GLIS1: variants seen among roughly 807,000 people sequenced by gnomAD.
GLIS1 encodes the protein GLIS family zinc finger 1.
A neutral mutation model predicts 63.8 loss-of-function variants in GLIS1; 24 were observed. That is an observed-to-expected ratio of 0.38 (90% CI 0.27 to 0.53). GLIS1 has a LOEUF of 0.53. Ranked by LOEUF, GLIS1 falls within the 20% of genes least tolerant of loss-of-function variation. GLIS1 has a pLI of 0.85. For missense variants in GLIS1, 1,036 were observed against 1,074.1 expected (o/e 0.96, Z 0.50); for synonymous variants, 450 against 482.5 (o/e 0.93, Z 0.88).
chr1:53,685,163 G>A (rs1646320945), intron 2 of GLIS1, among the ~76,000 whole-genome samples: 1 of 152,158 alleles, frequency 6.6e-6, no homozygotes, highest in African/African-American at 2.4e-5. Context: ...AGCAAGACGG[G>A]TGTCCTGGCT....
At chr1:53,687,174 C>A (rs1373071198) in intron 2 of GLIS1, among the ~76,000 whole-genome samples, 1 of 152,182 alleles carries the variant, frequency 6.6e-6, no homozygotes, top group African/African-American at 2.4e-5. Flanking sequence ...ACTGTGGGAG[C>A]AGAACCAGAG....
In GLIS1 at chr1:53,560,149, A is replaced by T. The variant is rs1644871267; in HGVS notation, c.1321-30197T>A. Among the ~76,000 whole-genome samples the T allele has an allele frequency of 6.6e-6, 1 of 152,220 alleles. No homozygotes were observed. The highest frequency in any genetic ancestry group is 6.5e-5 in the Admixed American group (1 of 15,288). ...AACCAGGACTCTGCTGTGGGCAGGG[A>T]CTGCCTCCTTGATGAAGATACAGAA... On this transcript the variant is annotated intron_variant, in intron 4 of 10. Transcript: ENST00000628545. This position sits in a 1 kb window ranked among gnomAD's most constrained non-coding sequence, Gnocchi z 4.4.
Position 53,682,301 on chromosome 1 carries a change from T to C in GLIS1, c.259+55505A>G, listed in dbSNP as rs190744620. On this transcript the variant is annotated intron_variant, in intron 2 of 10. Transcript: ENST00000628545. Reference sequence around the variant, plus strand: ...GACACAGCTGACACCTGGTGGCAGGTTGTGTGTTAGGCATGAAGGAGTGGG... The same window carrying C: ...GACACAGCTGACACCTGGTGGCAGGCTGTGTGTTAGGCATGAAGGAGTGGG... Among the ~76,000 whole-genome samples the C allele has an allele frequency of 7.9e-4, 121 of 152,286 alleles. No homozygotes were observed. The Middle Eastern group carries it at 0.014, about 17-fold the overall frequency.
intron 6 of GLIS1, among the ~76,000 whole-genome samples, chr1:53,523,286 G>T (rs972625746): frequency 6.6e-6 from 1 of 152,064 alleles, no homozygotes; most frequent in Non-Finnish European, 1.5e-5. Context: ...AGCTTCCAAT[G>T]CTCCCCACTG....
intron 4 of GLIS1, among the ~76,000 whole-genome samples, chr1:53,548,768 A>G (rs1380293217): frequency 6.6e-6 from 1 of 152,230 alleles, no homozygotes; most frequent in Non-Finnish European, 1.5e-5. Flanking sequence ...ATTTTTTTAT[A>G]GCTCTGTTGA....
chr1:53,642,408 G>C (rs1645796942), intron 2 of GLIS1, among the ~76,000 whole-genome samples: 2 of 152,162 alleles, frequency 1.3e-5, no homozygotes, highest in Admixed American at 6.5e-5. Flanking sequence ...AGAGTTTCAG[G>C]TTGCCACGCA....
chr1:53,687,961 C>T (rs1461749713), intron 2 of GLIS1, among the ~76,000 whole-genome samples: 2 of 152,210 alleles, frequency 1.3e-5, no homozygotes, highest in Non-Finnish European at 2.9e-5. Flanking sequence ...CCCGGCTGTG[C>T]CCCTAGCCCC....
intron 2 of GLIS1, among the ~76,000 whole-genome samples, chr1:53,727,196 C>T (rs1181234477): frequency 6.6e-6 from 1 of 152,206 alleles, no homozygotes; most frequent in Non-Finnish European, 1.5e-5. Context: ...CCTCTCTGAA[C>T]CTTAGTCTTC....
intron 2 of GLIS1, among the ~76,000 whole-genome samples, chr1:53,729,950 A>AATT (rs1240757819): frequency 6.6e-6 from 1 of 152,160 alleles, no homozygotes; most frequent in African/African-American, 2.4e-5. Context: ...TTAAACACAC[A>AATT]ATTACAGCCG....
Position 53,539,280 on chromosome 1 carries a change from T to A in GLIS1, c.1321-9328A>T, listed in dbSNP as rs1184438951. 4.7e-5 allele frequency among the ~76,000 whole-genome samples: 7 copies of A among 147,982 alleles called. No individual in the cohort carries two copies. The highest frequency in any genetic ancestry group is 1.8e-4 in the African/African-American group (7 of 39,600). The stretch of plus-strand genomic sequence containing the variant: ...CACACACCAAGACCCAGAAACTCCC[T>A]CACACACACACACACACACTACACC... On this transcript the variant is annotated intron_variant, in intron 4 of 10. Transcript: ENST00000628545. The surrounding 1 kb of genome is among the most constrained non-coding windows in gnomAD (Gnocchi z 5.0).
chr1:53,514,545 T>C (rs958117466), intron 8 of GLIS1, 80 bp downstream of exon 8: 21 of 1,401,996 alleles, frequency 1.5e-5, no homozygotes, highest in Admixed American at 1.3e-4. Context: ...AGATAGATAG[T>C]GCGGGACACC....
chr1:53,529,938 G>A lies in GLIS1; in HGVS notation c.1335C>T (p.Ser445=). The A allele has an allele frequency of 6.2e-7, 1 of 1,613,564 alleles. No homozygotes were observed. The highest frequency in any genetic ancestry group is 1.1e-5 in the South Asian group (1 of 91,068). ...KPNKCMFEGC[S]KAFSRLENLK... Reference sequence around the variant, plus strand: ...GGTTCTCCAGCCGTGAGAAGGCCTTGCTGCAGCCTTCAAACTGCAGGAGAG... The same window carrying A: ...GGTTCTCCAGCCGTGAGAAGGCCTTACTGCAGCCTTCAAACTGCAGGAGAG... The change falls in exon 5 of 11, where the codon AGC becomes AGT. Residue 445 remains serine, a synonymous_variant. Transcript: ENST00000628545.
chr1:53,698,481 C>T (rs914004915), intron 2 of GLIS1, among the ~76,000 whole-genome samples: 1 of 152,228 alleles, frequency 6.6e-6, no homozygotes, highest in African/African-American at 2.4e-5. Flanking sequence ...GACTGGCTGC[C>T]CTGCCTAGTC....
At chr1:53,736,744 A>AT (rs1646916066) in intron 2 of GLIS1, among the ~76,000 whole-genome samples, 1 of 152,190 alleles carries the variant, frequency 6.6e-6, no homozygotes, top group African/African-American at 2.4e-5. Context: ...ACTTATGTTT[A>AT]TTTCATTTTA....
intron 9 of GLIS1, 66 bp downstream of exon 9, chr1:53,509,783 G>T (rs552653917): frequency 2.0e-6 from 2 of 1,012,998 alleles, no homozygotes; most frequent in Non-Finnish European, 2.6e-6. Flanking sequence ...CTGTCTCCTC[G>T]TTCCTCTGGG....
At chr1:53,527,756 G>C (rs145215091) in intron 5 of GLIS1, among the ~76,000 whole-genome samples, 87 of 152,380 alleles carry the variant, frequency 5.7e-4, no homozygotes, top group African/African-American at 2.0e-3. Flanking sequence ...GCTGCCTGCG[G>C]TGTTTATGTG....
At chr1:53,512,779 G>T (rs1232655640) in intron 8 of GLIS1, among the ~76,000 whole-genome samples, 1 of 152,048 alleles carries the variant, frequency 6.6e-6, no homozygotes, top group Non-Finnish European at 1.5e-5. Flanking sequence ...GGTGATGAAT[G>T]AGGCGGAGCA....
rs779399927 is a variant in GLIS1, at chr1:53,594,478, G to T, written c.950C>A (p.Ala317Glu). Residue 317 changes from alanine (A) to glutamate (E), a missense_variant, in exon 4 of 11, where the codon GCG becomes GAG. By Grantham distance (107) the Ala-to-Glu change is moderately radical. Coordinates refer to ENST00000628545, the MANE Select transcript of GLIS1 (RefSeq NM_001367484.1). The stretch of plus-strand genomic sequence containing the variant: ...CGCGGGTTCCTGCTTCAGGAAGCTC[G>T]CCTTCCGGCAGGCTTCAAGTTGCAA... ...GSLQLEACRKASFLKQEPADE... is the reference protein window; with the variant it reads ...GSLQLEACRKESFLKQEPADE... 1.2e-6 allele frequency: 2 copies of T among 1,612,962 alleles called. No individual in the cohort carries two copies. The highest frequency in any genetic ancestry group is 1.7e-6 in the Non-Finnish European group (2 of 1,179,974).
rs1448585617 is a variant in GLIS1 at position 53,560,462 on chromosome 1, T to C, written c.1321-30510A>G. Among the ~76,000 whole-genome samples the C allele has an allele frequency of 2.6e-5, 4 of 152,162 alleles. No homozygotes were observed. Among genetic ancestry groups the C allele is most frequent in the Non-Finnish European group, 5.9e-5 (4 of 68,026 alleles). On this transcript the variant is annotated intron_variant, in intron 4 of 10. Transcript: ENST00000628545. The surrounding 1 kb of genome is among the most constrained non-coding windows in gnomAD (Gnocchi z 4.4). ...GACGGACAGTTCCGGTCGGGAGATA[T>C]CTGGTCCACACACGGAGCAAATATC... is the stretch of plus-strand genomic sequence containing the variant.
Sources: allele counts gnomAD v4.1 joint callset (sites outside exome capture counted in the v4.1 genomes callset), GRCh38; gene constraint gnomAD v4.1.1; non-coding constraint Gnocchi (gnomAD v3.1); transcripts MANE v1.5; gene names NCBI Gene and HGNC (gene_info 2026-07-23, HGNC 2026-07-21).